Variants in BORCS5 observed in about 807,000 individuals in gnomAD.
The protein encoded by BORCS5 is BLOC-1-related complex subunit 5.
BORCS5 carries 17 observed loss-of-function variants against 22.1 expected under a neutral mutation model. That is an observed-to-expected ratio of 0.77 (90% CI 0.53 to 1.15). The LOEUF is 1.15. Ranked by LOEUF, BORCS5 falls within the 50% of genes most tolerant of loss-of-function variation. The pLI, the probability that BORCS5 is intolerant of heterozygous loss-of-function variation, is 0.00. For synonymous variants in BORCS5, 117 were observed against 99.8 expected, an observed-to-expected ratio of 1.17 and a Z score of -1.03; for missense variants, 247 against 253.2, an observed-to-expected ratio of 0.98 and a Z score of 0.17.
At chr12:12,440,295 A>G (rs1325069541) in intron 3 of BORCS5, among the ~76,000 whole-genome samples, 1 of 152,216 alleles carries the variant, frequency 6.6e-6, no homozygotes, top group South Asian at 2.1e-4. Flanking sequence ...TTACTTTGCA[A>G]TCAGGGAGTC....
intron 2 of BORCS5, among the ~76,000 whole-genome samples, chr12:12,364,444 C>G (rs1039668181): frequency 6.6e-6 from 1 of 152,080 alleles, no homozygotes; most frequent in African/African-American, 2.4e-5. Context: ...TCAGAAAGAT[C>G]TTCATCATTG....
intron 2 of BORCS5, among the ~76,000 whole-genome samples, chr12:12,430,173 CAG>C (rs1942386825): frequency 8.0e-5 from 2 of 24,958 alleles, no homozygotes; most frequent in South Asian, 4.8e-4. Context: ...TTTTTTGAGA[CAG>C]AGTCTTGCTC....
At chr12:12,453,614 G>T (rs1942951524) in intron 3 of BORCS5, among the ~76,000 whole-genome samples, 1 of 152,034 alleles carries the variant, frequency 6.6e-6, no homozygotes, top group Non-Finnish European at 1.5e-5. Flanking sequence ...ATGCATTACT[G>T]GTATCTGTCG....
At chr12:12,442,583 T>G (rs1347395602) in intron 3 of BORCS5, among the ~76,000 whole-genome samples, 1 of 152,202 alleles carries the variant, frequency 6.6e-6, no homozygotes, top group Non-Finnish European at 1.5e-5. Context: ...CACAGGATTA[T>G]GAAGAGGCCC....
chr12:12,364,604 A>G (rs1863365323), intron 2 of BORCS5, among the ~76,000 whole-genome samples: 1 of 47,456 alleles, frequency 2.1e-5, no homozygotes, highest in African/African-American at 4.2e-5. Flanking sequence ...AATTCGTTTT[A>G]TGATTAATCA....
chr12:12,396,569 G>C (rs888198), intron 2 of BORCS5, among the ~76,000 whole-genome samples: 1 of 151,762 alleles, frequency 6.6e-6, no homozygotes, highest in Non-Finnish European at 1.5e-5. Flanking sequence ...AAATGTCACC[G>C]TACTGATGTG....
intron 3 of BORCS5, among the ~76,000 whole-genome samples, chr12:12,463,321 T>A (rs1334671774): frequency 1.3e-5 from 2 of 152,234 alleles, no homozygotes; most frequent in African/African-American, 4.8e-5. Context: ...CCATTGTTGC[T>A]TGCACCAAGT....
rs141873463 is a variant in BORCS5 at position 12,435,644 on chromosome 12, G to A, written c.219G>A (p.Gln73=). Reference sequence around the variant, plus strand: ...CCTTTGAAGGGCTATTGAGTGGCCAGACTTCCCCAACAAATGCCAAATTGG... The same window carrying A: ...CCTTTGAAGGGCTATTGAGTGGCCAAACTTCCCCAACAAATGCCAAATTGG... ...QPLLKGLLSG[Q]TSPTNAKLEK... The change falls in exon 3 of 4, where the codon CAG becomes CAA. Residue 73 remains glutamine, a synonymous_variant. Transcript: ENST00000314565. 8.3e-5 allele frequency: 134 copies of A among 1,613,750 alleles called. 1 individual carries two copies. In the African/African-American group the frequency reaches 1.7e-3, roughly 21 times the overall value.
chr12:12,427,742 G>A (rs1462492453), intron 2 of BORCS5, among the ~76,000 whole-genome samples: 1 of 152,148 alleles, frequency 6.6e-6, no homozygotes, highest in Non-Finnish European at 1.5e-5. Flanking sequence ...CGGCAGATTT[G>A]CCTCTGCCGA....
chr12:12,389,826 T>C (rs1322583523), intron 2 of BORCS5, among the ~76,000 whole-genome samples: 1 of 152,022 alleles, frequency 6.6e-6, no homozygotes, highest in East Asian at 1.9e-4. Context: ...GTATTTTTAG[T>C]AGAGACAGGG....
At chr12:12,401,927 T>G (rs7960048) in intron 2 of BORCS5, among the ~76,000 whole-genome samples, 70,467 of 151,398 alleles carry the variant, frequency 0.47, 17,145 homozygotes, top group African/African-American at 0.55. Context: ...TTAGCTGGGC[T>G]TGGTGGTGGG....
intron 2 of BORCS5, among the ~76,000 whole-genome samples, chr12:12,422,790 C>G (rs912678246): frequency 6.6e-6 from 1 of 151,920 alleles, no homozygotes; most frequent in African/African-American, 2.4e-5. Flanking sequence ...TTTTTTAATG[C>G]AGTAATCTCT....
chr12:12,438,855 A>C (rs939384322), intron 3 of BORCS5, among the ~76,000 whole-genome samples: 1 of 152,234 alleles, frequency 6.6e-6, no homozygotes, highest in Admixed American at 6.5e-5. Context: ...CTTTTAAAAA[A>C]TAACTTTTAA....
intron 2 of BORCS5, among the ~76,000 whole-genome samples, chr12:12,425,098 C>T (rs1259359628): frequency 6.6e-6 from 1 of 152,160 alleles, no homozygotes; most frequent in Admixed American, 6.5e-5. Flanking sequence ...AGGACAGGGT[C>T]CTTTTCTCCC....
chr12:12,414,358 G>A (rs1941851959), intron 2 of BORCS5, among the ~76,000 whole-genome samples: 1 of 108,406 alleles, frequency 9.2e-6, no homozygotes, highest in East Asian at 2.8e-4. Flanking sequence ...CTCCCTCCCG[G>A]ACGGGGTGGC....
chr12:12,403,051 T>C (rs577880654), intron 2 of BORCS5, among the ~76,000 whole-genome samples: 1 of 152,164 alleles, frequency 6.6e-6, no homozygotes, highest in African/African-American at 2.4e-5. Context: ...TCGTTAATAA[T>C]AACCACATTT....
chr12:12,367,813 C>G (rs555393007), intron 2 of BORCS5, among the ~76,000 whole-genome samples: 1 of 152,244 alleles, frequency 6.6e-6, no homozygotes, highest in Non-Finnish European at 1.5e-5. Flanking sequence ...TAATGCCATT[C>G]TGTTTCACTC....
At chr12:12,371,531 C>T (rs137950702) in intron 2 of BORCS5, among the ~76,000 whole-genome samples, 122 of 151,936 alleles carry the variant, frequency 8.0e-4, no homozygotes, top group African/African-American at 1.9e-3. Context: ...TGGGCACAAG[C>T]GATCCACCTG....
At chr12:12,453,044 G>T (rs1251962209) in intron 3 of BORCS5, among the ~76,000 whole-genome samples, 1 of 152,152 alleles carries the variant, frequency 6.6e-6, no homozygotes. Flanking sequence ...CGGGATAGCC[G>T]ATGTATAAAA....
Sources: gnomAD v4.1 joint callset for allele counts (sites outside exome capture counted in the v4.1 genomes callset) on GRCh38, gnomAD v4.1.1 for gene constraint, MANE v1.5 for transcripts, NCBI Gene and HGNC (gene_info 2026-07-23, HGNC 2026-07-21) for gene names.